Variants in PHF21B observed in about 807,000 individuals in gnomAD.
PHF21B encodes the protein PHD finger protein 21B.
Under a neutral mutation model 62.2 loss-of-function variants are expected in PHF21B, and 22 were observed. The observed-to-expected ratio is 0.35, with a 90% confidence interval of 0.25 to 0.51. PHF21B has a LOEUF of 0.51. Ranked by LOEUF, PHF21B falls within the 20% of genes least tolerant of loss-of-function variation. PHF21B has a pLI of 0.97. For missense variants in PHF21B, 701 were observed against 707.9 expected (o/e 0.99, Z 0.11); for synonymous variants, 341 against 314.7 (o/e 1.08, Z -0.88).
chr22:44,899,535 C>T (rs2071120400), intron 5 of PHF21B, among the ~76,000 whole-genome samples: 1 of 152,084 alleles, frequency 6.6e-6, no homozygotes, highest in South Asian at 2.1e-4. Flanking sequence ...AGGTGATCTG[C>T]CTGGCTCGCC....
At position 44,935,608 on chromosome 22, in the gene PHF21B, C is replaced by T. The variant is rs538367753; in HGVS notation, c.121-15118G>A. Among the ~76,000 whole-genome samples the T allele has an allele frequency of 4.9e-4, 64 of 131,250 alleles. No homozygotes were observed. In the South Asian group the frequency reaches 0.013, roughly 26 times the overall value. The allele number at this position is 131,250 out of a possible 152,430, so 86.1% of individuals were successfully genotyped here. Reference sequence around the variant, plus strand: ...TAGCCTGGGCGACAGAGCAAGACTCCGCCTCAAAAACAAACAAACAAACAA... The same window carrying T: ...TAGCCTGGGCGACAGAGCAAGACTCTGCCTCAAAAACAAACAAACAAACAA... On this transcript the variant is annotated intron_variant, in intron 2 of 12. Coordinates refer to ENST00000313237, the MANE Select transcript of PHF21B (RefSeq NM_138415.5).
chr22:44,907,976 G>A (rs569147013), intron 5 of PHF21B, among the ~76,000 whole-genome samples: 193 of 152,282 alleles, frequency 1.3e-3, no homozygotes, highest in Non-Finnish European at 2.2e-3. Context: ...GTGGCCCCCT[G>A]GGAAGGCTGG....
At chr22:44,988,967 C>G (rs1169570390) in intron 2 of PHF21B, among the ~76,000 whole-genome samples, 1 of 152,176 alleles carries the variant, frequency 6.6e-6, no homozygotes, top group African/African-American at 2.4e-5. Flanking sequence ...CACCCTCAGC[C>G]TCTTTTATAA....
intron 2 of PHF21B, among the ~76,000 whole-genome samples, chr22:44,928,451 C>T (rs1234100668): frequency 6.6e-6 from 1 of 152,152 alleles, no homozygotes; most frequent in African/African-American, 2.4e-5. Context: ...GCTCTGTCTC[C>T]CAGGCTGCAG....
intron 5 of PHF21B, among the ~76,000 whole-genome samples, chr22:44,898,306 T>C (rs1391338257): frequency 1.3e-5 from 2 of 149,884 alleles, no homozygotes; most frequent in Admixed American, 1.3e-4. Context: ...GGGTGGTAGG[T>C]TTGGGGGAGG....
At chr22:44,898,184 T>C (rs1458737833) in intron 5 of PHF21B, among the ~76,000 whole-genome samples, 2 of 152,206 alleles carry the variant, frequency 1.3e-5, no homozygotes, top group Non-Finnish European at 2.9e-5. Context: ...TGTGAGGGTT[T>C]CTCAGCTTGT....
At position 44,921,371 on chromosome 22, in the gene PHF21B, C is replaced by T. The variant is rs5766194; in HGVS notation, c.121-881G>A. Among the ~76,000 whole-genome samples, 1,315 of 134,936 alleles carry T rather than the reference C, an allele frequency of 9.7e-3. 7 individuals carry two copies. Among genetic ancestry groups the T allele is most frequent in the Admixed American group, 0.013 (180 of 13,710 alleles). The allele number at this position is 134,936 out of a possible 152,430, so 88.5% of individuals were successfully genotyped here. On this transcript the variant is annotated intron_variant, in intron 2 of 12. Coordinates refer to ENST00000313237, the MANE Select transcript of PHF21B (RefSeq NM_138415.5). ...AACCGGAACAGTTCTTTTTTTTTTT[C>T]TTTTTTTTTTTCTTGAGACGGAGTC...
rs758791364 is a variant in PHF21B, at chr22:44,885,449, G to A, written c.1354C>T (p.Arg452Trp). ...NEHQQLEERD[R>W]RLASAVQKCL... ...ACCTGCACTGCTGACGCCAGCCGCC[G>A]GTCCCGCTCCTCCAGCTGCTGGTGC... is the stretch of plus-strand genomic sequence containing the variant. Residue 452 changes from arginine to tryptophan, a missense_variant, in exon 12 of 13, where the codon CGG becomes TGG. Transcript: ENST00000313237. 5.0e-6 allele frequency: 8 copies of A among 1,589,330 alleles called. No individual in the cohort carries two copies. Among genetic ancestry groups the A allele is most frequent in the East Asian group, 2.3e-5 (1 of 43,996 alleles).
At chr22:44,918,053 T>A (rs752701465) in intron 3 of PHF21B, among the ~76,000 whole-genome samples, 15 of 152,200 alleles carry the variant, frequency 9.9e-5, no homozygotes, top group Non-Finnish European at 1.6e-4. Context: ...GCACCAGAGG[T>A]CAGGGCCTTT....
intron 2 of PHF21B, among the ~76,000 whole-genome samples, chr22:44,944,761 G>C (rs891467632): frequency 1.3e-5 from 2 of 152,234 alleles, no homozygotes; most frequent in African/African-American, 4.8e-5. Context: ...AGCTCCTGAT[G>C]AGTGAGTGAA....
At chr22:44,999,217 T>C (rs1183239423) in intron 2 of PHF21B, among the ~76,000 whole-genome samples, 2 of 152,188 alleles carry the variant, frequency 1.3e-5, no homozygotes, top group Non-Finnish European at 2.9e-5. Flanking sequence ...CAGAGCAATC[T>C]TCAGAAAGCA....
At chr22:44,918,603 T>TAC (rs1219214419) in intron 3 of PHF21B, among the ~76,000 whole-genome samples, 2 of 152,202 alleles carry the variant, frequency 1.3e-5, no homozygotes, top group African/African-American at 2.4e-5. Flanking sequence ...ACAGGCTGCC[T>TAC]ACTCTGTTGC....
At chr22:44,926,549 G>A (rs2071635878) in intron 2 of PHF21B, among the ~76,000 whole-genome samples, 1 of 152,234 alleles carries the variant, frequency 6.6e-6, no homozygotes, top group South Asian at 2.1e-4. Flanking sequence ...AAGCCCACAT[G>A]TGCCTCTGTG....
intron 5 of PHF21B, among the ~76,000 whole-genome samples, chr22:44,909,259 T>C (rs1482799845): frequency 6.6e-6 from 1 of 152,250 alleles, no homozygotes; most frequent in East Asian, 1.9e-4. Context: ...CTAAGATATA[T>C]TAAATACTTT....
intron 2 of PHF21B, among the ~76,000 whole-genome samples, chr22:44,940,812 T>C (rs182926052): frequency 4.8e-4 from 73 of 152,210 alleles, no homozygotes; most frequent in African/African-American, 1.7e-3. Context: ...TCTTGGCCCA[T>C]GTGGGCAGGA....
intron 2 of PHF21B, among the ~76,000 whole-genome samples, chr22:44,984,551 C>T (rs2072913737): frequency 6.6e-6 from 1 of 152,184 alleles, no homozygotes; most frequent in Non-Finnish European, 1.5e-5. Context: ...AAGGGGCTGG[C>T]TCTGAGGGCC....
intron 7 of PHF21B, 134 bp from the exon 8 acceptor site, chr22:44,891,494 T>A (rs531551976): frequency 1.1e-5 from 11 of 997,672 alleles, no homozygotes; most frequent in Admixed American, 1.1e-4. Context: ...GGACACCCCC[T>A]GCCAGGGGCA....
intron 2 of PHF21B, among the ~76,000 whole-genome samples, chr22:44,939,971 C>A (rs1030532131): frequency 6.6e-6 from 1 of 152,052 alleles, no homozygotes; most frequent in African/African-American, 2.4e-5. Flanking sequence ...TCAAAAAGCC[C>A]AGAGTTAGGT....
At chr22:45,006,033 TC>T (rs1233368926) in intron 2 of PHF21B, among the ~76,000 whole-genome samples, 5 of 151,848 alleles carry the variant, frequency 3.3e-5, no homozygotes, top group Non-Finnish European at 7.4e-5. Context: ...CACCAAACTC[TC>T]CCAAGGAGAG....
Sources: allele counts gnomAD v4.1 joint callset (sites outside exome capture counted in the v4.1 genomes callset), GRCh38; gene constraint gnomAD v4.1.1; transcripts MANE v1.5; gene names NCBI Gene and HGNC (gene_info 2026-07-23, HGNC 2026-07-21).